The following STAB2 variants were observed in gnomAD, a reference collection of about 807,000 sequenced individuals.
STAB2 encodes the protein stabilin-2.
STAB2 carries 288 observed loss-of-function variants against 338.1 expected under a neutral mutation model. That is an observed-to-expected ratio of 0.85 (90% CI 0.77 to 0.94). STAB2 has a LOEUF of 0.94. Ranked by LOEUF, STAB2 falls within the 40% of genes least tolerant of loss-of-function variation. The probability of loss-of-function intolerance (pLI) is 0.00; values close to 1 mark genes in which losing one functional copy is unlikely to be tolerated. For missense variants in STAB2, 3,141 were observed against 3,210.1 expected (o/e 0.98, Z 0.52); for synonymous variants, 1,202 against 1,193.3 (o/e 1.01, Z -0.15).
chr12:103,681,582 G>A (rs1876902543), intron 25 of STAB2, among the ~76,000 whole-genome samples: 1 of 144,744 alleles, frequency 6.9e-6, no homozygotes, highest in South Asian at 2.2e-4. Context: ...TGTTCTCCCT[G>A]TGGGTGTATC....
rs181749940 is a variant in STAB2, at chr12:103,646,822, T to C, written c.1041-1868T>C. 1.9e-3 allele frequency among the ~76,000 whole-genome samples: 295 copies of C among 152,326 alleles called. 3 individuals carry two copies. Among genetic ancestry groups the C allele is most frequent in the Non-Finnish European group, 7.3e-4 (50 of 68,030 alleles). On this transcript the variant is annotated intron_variant, in intron 9 of 68. Coordinates refer to ENST00000388887, the MANE Select transcript of STAB2 (RefSeq NM_017564.10). ...ATCCATCTTCTAGGACAGTATACCA[T>C]CTAGCAGAAGAGACAATGTCTCCAG... is the stretch of plus-strand genomic sequence containing the variant.
chr12:103,749,259 A>G (rs1045214241), intron 59 of STAB2, 103 bp downstream of exon 59: 2 of 1,268,870 alleles, frequency 1.6e-6, no homozygotes, highest in East Asian at 5.1e-5. Flanking sequence ...GACTCTTCCT[A>G]AACATTTTTT....
intron 44 of STAB2, among the ~76,000 whole-genome samples, chr12:103,720,457 T>C (rs1880674160): frequency 6.6e-6 from 1 of 152,228 alleles, no homozygotes; most frequent in African/African-American, 2.4e-5. Flanking sequence ...ACTGGTGCTC[T>C]AAGCTATGTC....
At chr12:103,619,384 A>T (rs1008014193) in intron 3 of STAB2, among the ~76,000 whole-genome samples, 2 of 152,200 alleles carry the variant, frequency 1.3e-5, no homozygotes, top group African/African-American at 4.8e-5. Flanking sequence ...AACAGCAAGT[A>T]TAAAAAGAAA....
chr12:103,757,956 G>A (rs1479952878), intron 63 of STAB2: 7 of 625,296 alleles, frequency 1.1e-5, no homozygotes, highest in African/African-American at 1.8e-5. Context: ...GGGCTGTGAC[G>A]TGGCTGTGTC....
intron 12 of STAB2, among the ~76,000 whole-genome samples, chr12:103,653,877 T>C (rs1396611910): frequency 8.3e-6 from 1 of 121,044 alleles, no homozygotes; most frequent in Non-Finnish European, 1.8e-5. Context: ...GATGGATGGA[T>C]GGAGAGATGC....
At chr12:103,609,151 G>C (rs1957080887) in intron 3 of STAB2, among the ~76,000 whole-genome samples, 1 of 152,190 alleles carries the variant, frequency 6.6e-6, no homozygotes, top group Non-Finnish European at 1.5e-5. Flanking sequence ...TTTGGCTTAG[G>C]ATTGTCTTGG....
In STAB2 at chr12:103,737,606, CTTTT is replaced by C. The variant is rs761241523; in HGVS notation, c.5551-13_5551-10del. The C allele has an allele frequency of 9.2e-3, 9,175 of 993,948 alleles. 39 individuals are homozygous for C. The highest frequency in any genetic ancestry group is 0.011 in the Middle Eastern group (35 of 3,140). The allele number at this position is 993,948 out of a possible 1,614,324, so 61.6% of individuals were successfully genotyped here. On this transcript the variant is annotated intron_variant, in intron 52 of 68. Transcript: ENST00000388887. The stretch of plus-strand genomic sequence containing the variant: ...TCTCTCTCTCTCTCTCTCTCTTTCT[CTTTT>C]TTTTTTTTTTTTTTCTTTCTTAGGG...
chr12:103,756,606 C>G (rs1390885210), intron 63 of STAB2, among the ~76,000 whole-genome samples: 1 of 152,186 alleles, frequency 6.6e-6, no homozygotes, highest in African/African-American at 2.4e-5. Flanking sequence ...GAGCTGGGCT[C>G]AATCTCAGAC....
At chr12:103,629,438 T>A (rs529811379) in intron 5 of STAB2, among the ~76,000 whole-genome samples, 1 of 152,330 alleles carries the variant, frequency 6.6e-6, no homozygotes, top group Admixed American at 6.5e-5. Flanking sequence ...GGTGCTCTCC[T>A]GGTGGTCTTC....
rs753928740 is a variant in STAB2 at position 103,684,994 on chromosome 12, C to T, written c.2907C>T (p.Ser969=). 3 of 1,613,786 alleles carry T rather than the reference C, an allele frequency of 1.9e-6. No homozygotes were observed. In the East Asian group the frequency reaches 6.7e-5, roughly 36 times the overall value. ...TTTCATCTTGGTTTTCTCAGGCAAGCTGTCAATCTACTTCGTCTGGTGTCT... is the reference window on the plus strand; with the variant it reads ...TTTCATCTTGGTTTTCTCAGGCAAGTTGTCAATCTACTTCGTCTGGTGTCT... The part of the protein sequence containing the change: ...EQTGKCHPLA[S]CQSTSSGVWS... The change falls in exon 27 of 69, where the codon AGC becomes AGT. Residue 969 remains serine (S), a synonymous_variant. Transcript: ENST00000388887.
intron 27 of STAB2, among the ~76,000 whole-genome samples, chr12:103,687,164 A>G (rs1276037790): frequency 6.6e-6 from 1 of 152,186 alleles, no homozygotes; most frequent in Non-Finnish European, 1.5e-5. Context: ...ACATATATTA[A>G]TGCACTTAAT....
At position 103,587,544 on chromosome 12, in the gene STAB2, A is replaced by G. The variant is rs1460561780; in HGVS notation, c.68A>G (p.Glu23Gly). ...GTACAAAATTTCTGCTCCCCAGCTG[A>G]AACCACAGGGCAGGTAAGAGGAGAC... ...LVVQNFCSPA[E>G]TTGQARRCDR... Residue 23 changes from glutamate (E) to glycine (G), a missense_variant, in exon 1 of 69, where the codon GAA (glutamate) becomes GGA (glycine). Physicochemically the swap from Glu to Gly is moderately conservative, Grantham distance 98 (BLOSUM62 -2). Transcript: ENST00000388887. 2.5e-6 allele frequency: 4 copies of G among 1,613,980 alleles called. No homozygotes were observed. The East Asian group carries it at 6.7e-5, about 27-fold the overall frequency.
chr12:103,616,148 C>T (rs1957207549), intron 3 of STAB2, among the ~76,000 whole-genome samples: 1 of 152,134 alleles, frequency 6.6e-6, no homozygotes, highest in African/African-American at 2.4e-5. Context: ...TCCAGACTTC[C>T]TAAACACAAG....
In STAB2 at chr12:103,703,272, T is replaced by C. The variant is rs776420329; in HGVS notation, c.3839T>C (p.Ile1280Thr). Residue 1280 changes from isoleucine to threonine, a missense_variant, in exon 35 of 69, where the codon ATA (isoleucine) becomes ACA (threonine). Coordinates refer to ENST00000388887, the MANE Select transcript of STAB2 (RefSeq NM_017564.10). ...TGTGATAATAATGACACTACTATTA[T>C]ACGAGTAAGTTCTATGGGCCAGAGC... ...NRCDNNDTTI[I>T]RGRCRTCSSE... 1.9e-6 allele frequency: 3 copies of C among 1,612,412 alleles called. No homozygotes were observed. The highest frequency in any genetic ancestry group is 2.2e-5 in the East Asian group (1 of 44,876).
chr12:103,600,424 T>C (rs10861046), intron 3 of STAB2, among the ~76,000 whole-genome samples: 48,704 of 151,862 alleles, frequency 0.32, 9,920 homozygotes, highest in African/African-American at 0.58. Flanking sequence ...CAACAGATGT[T>C]TGTTGAATGA....
chr12:103,627,879 T>C (rs1957404367), intron 5 of STAB2, among the ~76,000 whole-genome samples: 1 of 152,248 alleles, frequency 6.6e-6, no homozygotes, highest in African/African-American at 2.4e-5. Context: ...TCCTAGAGCC[T>C]GGCTTCCCAC....
intron 68 of STAB2, 128 bp from the exon 69 acceptor site, chr12:103,766,158 C>G: frequency 1.6e-6 from 2 of 1,284,260 alleles, no homozygotes; most frequent in Non-Finnish European, 2.2e-6. Context: ...CACAAACAAA[C>G]ACGCCCAGCA....
intron 47 of STAB2, among the ~76,000 whole-genome samples, chr12:103,728,255 G>T (rs1593291544): frequency 6.6e-6 from 1 of 152,118 alleles, no homozygotes; most frequent in East Asian, 1.9e-4. Flanking sequence ...GGGTTCAAGT[G>T]ATTCTCATGC....
Sources: gnomAD v4.1 joint callset for allele counts (sites outside exome capture counted in the v4.1 genomes callset) on GRCh38, gnomAD v4.1.1 for gene constraint, MANE v1.5 for transcripts, NCBI Gene and HGNC (gene_info 2026-07-23, HGNC 2026-07-21) for gene names.